CPA6: variants seen among roughly 807,000 people sequenced by gnomAD.
CPA6 encodes carboxypeptidase B.
Under a neutral mutation model 63.3 loss-of-function variants are expected in CPA6, and 58 were observed. That is an observed-to-expected ratio of 0.92 (90% CI 0.74 to 1.14). The LOEUF is 1.14. CPA6 is among the 50% of genes most tolerant of loss of function. The pLI, the probability that CPA6 is intolerant of heterozygous loss-of-function variation, is 0.00. For missense variants in CPA6, 565 were observed against 526.6 expected, an observed-to-expected ratio of 1.07 and a Z score of -0.71; for synonymous variants, 185 against 179.0, an observed-to-expected ratio of 1.03 and a Z score of -0.27.
intron 2 of CPA6, among the ~76,000 whole-genome samples, chr8:67,600,481 C>T (rs895017326): frequency 5.3e-5 from 8 of 152,042 alleles, no homozygotes; most frequent in African/African-American, 1.9e-4. Flanking sequence ...GTATTGTATT[C>T]CTGAAAATTG....
intron 2 of CPA6, among the ~76,000 whole-genome samples, chr8:67,589,564 C>A (rs893399604): frequency 6.6e-6 from 1 of 152,102 alleles, no homozygotes; most frequent in Non-Finnish European, 1.5e-5. Flanking sequence ...TTTGTGAGCT[C>A]CTTCAGAAGT....
intron 1 of CPA6, among the ~76,000 whole-genome samples, chr8:67,632,154 G>A (rs1443544844): frequency 2.7e-5 from 2 of 74,940 alleles, no homozygotes; most frequent in Non-Finnish European, 5.3e-5. Context: ...GATGCTGTGT[G>A]TGTGTGTGTG....
intron 6 of CPA6, among the ~76,000 whole-genome samples, chr8:67,501,440 CTTTCTT>C (rs1454984782): frequency 1.3e-5 from 2 of 152,052 alleles, no homozygotes; most frequent in Non-Finnish European, 2.9e-5. Flanking sequence ...TTTCCCCTCT[CTTTCTT>C]TAAGAGTTTT....
intron 1 of CPA6, among the ~76,000 whole-genome samples, chr8:67,722,341 A>G (rs1367803840): frequency 6.6e-6 from 1 of 152,132 alleles, no homozygotes; most frequent in Admixed American, 6.6e-5. Context: ...CCTGGGTCCA[A>G]TTTCTGGATA....
rs1489586227 is a variant in CPA6 at position 67,607,210 on chromosome 8, CT to C, written c.192+16965del. On this transcript the variant is annotated intron_variant, in intron 2 of 10. Coordinates refer to ENST00000297770, the MANE Select transcript of CPA6 (RefSeq NM_020361.5). ...TCTTCTTCTTCTTCTTCTTCTTCTT[CT>C]TCTTCTTCTTCTTCTTCTTCTTCTT... Among the ~76,000 whole-genome samples the C allele has an allele frequency of 7.2e-4, 71 of 98,342 alleles. 9 individuals carry two copies. The highest frequency in any genetic ancestry group is 2.4e-3 in the African/African-American group (58 of 24,238). 64.5% of individuals were successfully genotyped at this position (98,342 alleles called of 152,430 possible). A position where few individuals can be genotyped will look rare whatever the true frequency, so the allele number is the denominator to read the frequency against.
chr8:67,613,553 CA>C (rs1161999077), intron 2 of CPA6, among the ~76,000 whole-genome samples: 3 of 152,140 alleles, frequency 2.0e-5, no homozygotes, highest in Non-Finnish European at 4.4e-5. Context: ...CAGGTTAGTA[CA>C]AATGTGGAAA....
At chr8:67,591,682 CTGTT>C (rs1474300353) in intron 2 of CPA6, among the ~76,000 whole-genome samples, 3 of 152,122 alleles carry the variant, frequency 2.0e-5, no homozygotes, top group African/African-American at 7.2e-5. Context: ...ATTTGGCTCT[CTGTT>C]TGTCTGTTAT....
intron 2 of CPA6, among the ~76,000 whole-genome samples, chr8:67,619,859 T>C (rs1285666181): frequency 2.0e-5 from 3 of 152,238 alleles, no homozygotes; most frequent in Admixed American, 6.5e-5. Flanking sequence ...CCCAACCTCC[T>C]TGGGGAGGCA....
intron 1 of CPA6, among the ~76,000 whole-genome samples, chr8:67,696,051 C>T (rs1416280546): frequency 6.6e-6 from 1 of 152,002 alleles, no homozygotes; most frequent in African/African-American, 2.4e-5. Flanking sequence ...AATCAACAGG[C>T]CAAAACGGGA....
chr8:67,451,806 C>A (rs982231640), intron 8 of CPA6, among the ~76,000 whole-genome samples: 2 of 152,174 alleles, frequency 1.3e-5, no homozygotes, highest in Non-Finnish European at 2.9e-5. Flanking sequence ...CCTGTTGGTC[C>A]ATGAGAATAT....
At chr8:67,554,267 G>A (rs1042531914) in intron 2 of CPA6, among the ~76,000 whole-genome samples, 3 of 152,126 alleles carry the variant, frequency 2.0e-5, no homozygotes, top group Non-Finnish European at 4.4e-5. Flanking sequence ...GGGCTTCTAG[G>A]GAGGCCTCAG....
chr8:67,625,108 A>G (rs908955705), intron 1 of CPA6, among the ~76,000 whole-genome samples: 1 of 152,240 alleles, frequency 6.6e-6, no homozygotes, highest in Middle Eastern at 3.4e-3. Flanking sequence ...GAAAGCAATC[A>G]TAATGAATGA....
chr8:67,559,452 A>AC (rs1341953841), intron 2 of CPA6, among the ~76,000 whole-genome samples: 1 of 151,822 alleles, frequency 6.6e-6, no homozygotes, highest in African/African-American at 2.4e-5. Flanking sequence ...CCTGCCACAC[A>AC]CCCCTGCACT....
chr8:67,579,420 A>G (rs1191203890), intron 2 of CPA6, among the ~76,000 whole-genome samples: 1 of 152,210 alleles, frequency 6.6e-6, no homozygotes. Flanking sequence ...CCCCACCACA[A>G]AAAAGAAAAA....
chr8:67,659,750 CA>C lies in CPA6; in HGVS notation c.117-35500del, dbSNP rs575605609. Among the ~76,000 whole-genome samples the C allele has an allele frequency of 4.6e-5, 7 of 152,300 alleles. No homozygotes were observed. In the South Asian group the frequency reaches 1.2e-3, roughly 27 times the overall value. On this transcript the variant is annotated intron_variant, in intron 1 of 10. Transcript: ENST00000297770. ...GCTTGAAGCAAAACTTTACATTCCC[CA>C]AAGTGTCCTATTCACAAATTCCACC... is the stretch of plus-strand genomic sequence containing the variant.
In CPA6 at chr8:67,696,342, C is replaced by G. The variant is rs114605769; in HGVS notation, c.116+49672G>C. On this transcript the variant is annotated intron_variant, in intron 1 of 10. Transcript: ENST00000297770. ...TAGGGAAATGCAAATTACAGCCACA[C>G]TGAGAAGCCATAGTACATGCACTAG... Among the ~76,000 whole-genome samples, 1,070 of 152,216 alleles carry G rather than the reference C, an allele frequency of 7.0e-3. 13 individuals are homozygous for G. The highest frequency in any genetic ancestry group is 0.025 in the African/African-American group (1,019 of 41,530).
At chr8:67,632,145 A>C (rs1452219852) in intron 1 of CPA6, among the ~76,000 whole-genome samples, 1 of 107,056 alleles carries the variant, frequency 9.3e-6, no homozygotes, top group African/African-American at 4.4e-5. Context: ...TTAAAAAATG[A>C]TGCTGTGTGT....
intron 1 of CPA6, among the ~76,000 whole-genome samples, chr8:67,646,009 G>C (rs1247287444): frequency 6.6e-6 from 1 of 152,118 alleles, no homozygotes; most frequent in Non-Finnish European, 1.5e-5. Context: ...GAGATAAAAA[G>C]TTCTCTCTCC....
intron 8 of CPA6, among the ~76,000 whole-genome samples, chr8:67,455,361 G>A (rs552874476): frequency 1.3e-5 from 2 of 152,002 alleles, no homozygotes; most frequent in South Asian, 4.2e-4. Context: ...CAGTAGTGGG[G>A]GATGTCTCAC....
Sources: allele counts gnomAD v4.1 joint callset (sites outside exome capture counted in the v4.1 genomes callset), GRCh38; gene constraint gnomAD v4.1.1; transcripts MANE v1.5; gene names NCBI Gene and HGNC (gene_info 2026-07-23, HGNC 2026-07-21).